Variants in ALDH1L2 observed in about 807,000 individuals in gnomAD.
ALDH1L2 encodes the protein mitochondrial 10-formyltetrahydrofolate dehydrogenase.
A neutral mutation model predicts 111.0 loss-of-function variants in ALDH1L2; 91 were observed. The ratio of observed to expected loss-of-function variants is 0.82; its 90% CI spans 0.69 to 0.98. ALDH1L2 has a LOEUF of 0.98. ALDH1L2 is among the 50% of genes least tolerant of loss of function. The pLI is 0.00. For missense variants in ALDH1L2, 995 were observed against 1,126.8 expected (o/e 0.88, Z 1.67); for synonymous variants, 374 against 392.6 (o/e 0.95, Z 0.56).
rs748879841 is a variant in ALDH1L2 at position 105,049,906 on chromosome 12, A to G, written c.1686+2T>C. ...TTCAGAACAAATAATATTTGTGCTTACCTGAATTTTGTCGCACCAGCCAGC... is the reference window on the plus strand; with the variant it reads ...TTCAGAACAAATAATATTTGTGCTTGCCTGAATTTTGTCGCACCAGCCAGC... On this transcript the variant is annotated splice_donor_variant, in intron 13 of 22. Coordinates refer to ENST00000258494, the MANE Select transcript of ALDH1L2 (RefSeq NM_001034173.4). LOFTEE classifies it high-confidence loss of function. The G allele has an allele frequency of 1.2e-6, 2 of 1,609,728 alleles. No homozygotes were observed. Among genetic ancestry groups the G allele is most frequent in the African/African-American group, 1.3e-5 (1 of 74,906 alleles).
chr12:105,068,307 A>C (rs759308883), intron 4 of ALDH1L2, among the ~76,000 whole-genome samples: 78 of 152,110 alleles, frequency 5.1e-4, no homozygotes, highest in Non-Finnish European at 9.4e-4. Flanking sequence ...GTCTGGATAA[A>C]TACAGCAACA....
rs1565961019 is a variant in ALDH1L2 at position 105,052,838 on chromosome 12, CGTAA to C, written c.1377_1380del (p.Tyr460ThrfsTer26). ...GATCCATCTGTTGGGTTGATAGTGT[CGTAA>C]GTCTTTCCATCGTCTGCATCTGTGA... On this transcript the variant is annotated frameshift_variant, in exon 11 of 23. Coordinates refer to ENST00000258494, the MANE Select transcript of ALDH1L2 (RefSeq NM_001034173.4). LOFTEE classifies it high-confidence loss of function. 6.2e-7 allele frequency: 1 copy of C among 1,614,114 alleles called. No homozygotes were observed. Among genetic ancestry groups the C allele is most frequent in the East Asian group, 2.2e-5 (1 of 44,872 alleles).
rs1292484473 is a variant in ALDH1L2, at chr12:105,070,821, A to C, written c.194-17T>G. Reference sequence around the variant, plus strand: ...CAGCCAAAGCTGAGCATAAAAAAGAAGATTTTTTTTTTAGAAGTTAGCCAT... The same window carrying C: ...CAGCCAAAGCTGAGCATAAAAAAGACGATTTTTTTTTTAGAAGTTAGCCAT... On this transcript the variant is annotated splice_polypyrimidine_tract_variant and intron_variant, in intron 2 of 22. Transcript: ENST00000258494. 6 of 1,587,174 alleles carry C rather than the reference A, an allele frequency of 3.8e-6. No individual in the cohort carries two copies. The East Asian group carries it at 1.3e-4, about 36-fold the overall frequency.
At chr12:105,043,886 C>T (rs1875683713) in intron 15 of ALDH1L2, among the ~76,000 whole-genome samples, 2 of 152,132 alleles carry the variant, frequency 1.3e-5, no homozygotes, top group Non-Finnish European at 2.9e-5. Context: ...CCACACTAGG[C>T]CATGAAAATC....
chr12:105,057,297 T>A (rs1386914013), intron 10 of ALDH1L2, among the ~76,000 whole-genome samples: 2 of 152,076 alleles, frequency 1.3e-5, no homozygotes, highest in Non-Finnish European at 2.9e-5. Flanking sequence ...GTTGAAACCC[T>A]CATACATTGG....
Position 105,040,676 on chromosome 12 carries a change from A to G in ALDH1L2, c.1882T>C (p.Leu628=). Residue 628 remains leucine, a synonymous_variant, in exon 16 of 23, where the codon TTG becomes CTG. Coordinates refer to ENST00000258494, the MANE Select transcript of ALDH1L2 (RefSeq NM_001034173.4). The part of the protein sequence containing the change: ...KPAQVTPLTA[L]KFAELSVKAG... ...TTCACAGACAGTTCTGCAAACTTCA[A>G]AGCAGTCAAGGGCGTGACCTGAGGA... 4.3e-6 allele frequency: 7 copies of G among 1,614,114 alleles called. No homozygotes were observed. In the South Asian group the frequency reaches 4.4e-5, roughly 10 times the overall value.
intron 16 of ALDH1L2, among the ~76,000 whole-genome samples, chr12:105,040,311 G>A (rs1355395537): frequency 1.3e-5 from 2 of 151,896 alleles, no homozygotes; most frequent in Non-Finnish European, 2.9e-5. Flanking sequence ...CCAAAATAAT[G>A]ATGGGTAAGC....
At chr12:105,037,253 C>T (rs1420237550) in intron 18 of ALDH1L2, among the ~76,000 whole-genome samples, 1 of 152,122 alleles carries the variant, frequency 6.6e-6, no homozygotes, top group Non-Finnish European at 1.5e-5. Flanking sequence ...AGCCTTTATA[C>T]TTTGAAATAG....
rs148823435 is a variant in ALDH1L2, at chr12:105,058,188, C to A, written c.1172G>T (p.Gly391Val). 1 of 1,610,586 alleles carries A rather than the reference C, an allele frequency of 6.2e-7. No individual in the cohort carries two copies. The change falls in exon 10 of 23, where the codon GGG (glycine) becomes GTG (valine). Residue 391 changes from glycine to valine, a missense_variant. Transcript: ENST00000258494. ...LVEEIRQKCG[G>V]LQLQNEDVYM... ...GACATCTTCATTCTGCAACTGAAGC[C>A]CACCACATTTCTGTCTGATCTCTTC...
rs1408616566 is a variant in ALDH1L2 at position 105,065,276 on chromosome 12, T to G, written c.777A>C (p.Ile259=). 1 of 1,606,640 alleles carries G rather than the reference T, an allele frequency of 6.2e-7. No homozygotes were observed. Among genetic ancestry groups the G allele is most frequent in the South Asian group, 1.1e-5 (1 of 90,960 alleles). Residue 259 remains isoleucine (I), a synonymous_variant, in exon 6 of 23, where the codon ATA becomes ATC. Coordinates refer to ENST00000258494, the MANE Select transcript of ALDH1L2 (RefSeq NM_001034173.4). The part of the protein sequence containing the change: ...HDKVPGAWTE[I]NGQMVTFYGS... ...GGTCCCTAAAACATACCTGTCCATT[T>G]ATCTCTGTCCAAGCTCCAGGGACTT...
rs779824985 is a variant in ALDH1L2, at chr12:105,052,147, A to G, written c.1478T>C (p.Phe493Ser). 6.2e-7 allele frequency: 1 copy of G among 1,612,196 alleles called. No homozygotes were observed. The highest frequency in any genetic ancestry group is 8.5e-7 in the Non-Finnish European group (1 of 1,178,936). Reference protein sequence around the residue: ...DKAVAAAKDAFENGEWGRMNA... With the variant: ...DKAVAAAKDASENGEWGRMNA... ...CATTCTTCCCCATTCACCGTTTTCAAAAGCATCTTTTGCTGCTGCTACTGC... is the reference window on the plus strand; with the variant it reads ...CATTCTTCCCCATTCACCGTTTTCAGAAGCATCTTTTGCTGCTGCTACTGC... Residue 493 changes from phenylalanine to serine, a missense_variant, in exon 12 of 23, where the codon TTT (phenylalanine) becomes TCT (serine). Physicochemically the swap from Phe to Ser is radical, Grantham distance 155 (BLOSUM62 -2). Transcript: ENST00000258494.
intron 12 of ALDH1L2, among the ~76,000 whole-genome samples, chr12:105,051,107 A>G (rs1198062396): frequency 6.6e-6 from 1 of 152,116 alleles, no homozygotes; most frequent in Non-Finnish European, 1.5e-5. Context: ...CCTTGTTCCT[A>G]TTCCTTACAC....
At chr12:105,077,693 T>A (rs1455994228) in intron 1 of ALDH1L2, among the ~76,000 whole-genome samples, 1 of 150,772 alleles carries the variant, frequency 6.6e-6, no homozygotes, top group Non-Finnish European at 1.5e-5. Context: ...CTGGTGGAAT[T>A]CTTCAGGAAG....
intron 18 of ALDH1L2, among the ~76,000 whole-genome samples, chr12:105,036,550 A>G (rs1189349995): frequency 2.3e-5 from 1 of 42,896 alleles, no homozygotes; most frequent in African/African-American, 1.9e-4. Context: ...ATATATATAT[A>G]TATATATATA....
intron 9 of ALDH1L2, among the ~76,000 whole-genome samples, chr12:105,060,027 C>A (rs1324236838): frequency 6.6e-6 from 1 of 152,152 alleles, no homozygotes; most frequent in East Asian, 1.9e-4. Flanking sequence ...AGTTTCCTTG[C>A]GATAGAGGCT....
intron 22 of ALDH1L2, among the ~76,000 whole-genome samples, chr12:105,025,285 T>C (rs1208533561): frequency 1.3e-5 from 2 of 152,202 alleles, no homozygotes; most frequent in African/African-American, 2.4e-5. Flanking sequence ...ATCTGTATTT[T>C]TTGAAGCTCC....
chr12:105,033,962 TA>T (rs957970163), intron 19 of ALDH1L2, among the ~76,000 whole-genome samples: 1 of 152,134 alleles, frequency 6.6e-6, no homozygotes, highest in African/African-American at 2.4e-5. Flanking sequence ...TTTTTTACTA[TA>T]AAAAAATCAT....
At position 105,039,751 on chromosome 12, in the gene ALDH1L2, G is replaced by A. The variant is rs772999609; in HGVS notation, c.2007C>T (p.Phe669=). The A allele has an allele frequency of 6.2e-7, 1 of 1,614,046 alleles. No homozygotes were observed. Among genetic ancestry groups the A allele is most frequent in the Non-Finnish European group, 8.5e-7 (1 of 1,179,964 alleles). Residue 669 remains phenylalanine (F), a synonymous_variant, in exon 17 of 23, where the codon TTC becomes TTT. Coordinates refer to ENST00000258494, the MANE Select transcript of ALDH1L2 (RefSeq NM_001034173.4). ...GTTTGCCAATAGGAGTGGATCCAGT[G>A]AAACCAAGTTTGCGGATGTCAGGAT... ...SEHPDIRKLG[F]TGSTPIGKQI...
In ALDH1L2 at chr12:105,024,121, A is replaced by G. The variant is rs1874293479; in HGVS notation, c.*303T>C. 2.1e-6 allele frequency: 1 copy of G among 482,320 alleles called. No homozygotes were observed. Among genetic ancestry groups the G allele is most frequent in the South Asian group, 2.5e-5 (1 of 40,072 alleles). The allele number at this position is 482,320 out of a possible 1,614,324, so 29.9% of individuals were successfully genotyped here. On this transcript the variant is annotated 3_prime_UTR_variant, in exon 23 of 23. Coordinates refer to ENST00000258494, the MANE Select transcript of ALDH1L2 (RefSeq NM_001034173.4). ...TGTATTATAACTGCATGGTACTGAC[A>G]TCTTCAAGATGGGAACCATGAATAG...
Sources: gnomAD v4.1 joint callset for allele counts (sites outside exome capture counted in the v4.1 genomes callset) on GRCh38, gnomAD v4.1.1 for gene constraint, MANE v1.5 for transcripts, NCBI Gene and HGNC (gene_info 2026-07-23, HGNC 2026-07-21) for gene names.